The following CACNA2D3 variants were observed in gnomAD, a reference collection of about 807,000 sequenced individuals.
CACNA2D3 encodes the protein voltage-dependent calcium channel subunit alpha-2/delta-3.
In CACNA2D3, 60 loss-of-function variants were observed where a neutral mutation model predicts 160.6. The observed-to-expected ratio is 0.37, with a 90% CI of 0.30 to 0.46. The LOEUF (loss-of-function observed/expected upper bound fraction) is 0.46. Among genes scored for constraint, CACNA2D3 ranks in the 20% least tolerant of loss-of-function variants. The pLI is 1.00. For missense variants in CACNA2D3, 1,205 were observed against 1,365.0 expected (o/e 0.88, Z 1.85); for synonymous variants, 558 against 492.9 (o/e 1.13, Z -1.75).
chr3:54,736,131 G>GTA (rs779122781), intron 11 of CACNA2D3, among the ~76,000 whole-genome samples: 2,635 of 42,132 alleles, frequency 0.063, 548 homozygotes, highest in Non-Finnish European at 0.085. Context: ...ATATATATAT[G>GTA]TATATATATA....
intron 2 of CACNA2D3, among the ~76,000 whole-genome samples, chr3:54,289,614 G>A (rs966993023): frequency 1.2e-4 from 18 of 152,118 alleles, no homozygotes; most frequent in African/African-American, 3.4e-4. Context: ...ATCCTACGCC[G>A]AAAGAACAAA....
intron 5 of CACNA2D3, among the ~76,000 whole-genome samples, chr3:54,552,099 C>T (rs1211650373): frequency 6.6e-6 from 1 of 152,188 alleles, no homozygotes; most frequent in Non-Finnish European, 1.5e-5. Flanking sequence ...AATGTCCCCT[C>T]TACCAGCATA....
chr3:54,708,877 A>G (rs1271048982), intron 11 of CACNA2D3, among the ~76,000 whole-genome samples: 1 of 152,006 alleles, frequency 6.6e-6, no homozygotes, highest in Non-Finnish European at 1.5e-5. Context: ...CTGTAACCCT[A>G]TTGATTGAAA....
intron 13 of CACNA2D3, among the ~76,000 whole-genome samples, chr3:54,770,952 A>G (rs915743275): frequency 1.3e-5 from 2 of 152,218 alleles, no homozygotes; most frequent in Non-Finnish European, 2.9e-5. Context: ...ATAAAAAACT[A>G]GGGAGAAAAA....
intron 4 of CACNA2D3, among the ~76,000 whole-genome samples, chr3:54,443,522 G>A (rs1246720554): frequency 6.6e-6 from 1 of 152,192 alleles, no homozygotes; most frequent in African/African-American, 2.4e-5. Context: ...GGAAGAATTA[G>A]AGAGTTGGCA....
intron 11 of CACNA2D3, among the ~76,000 whole-genome samples, chr3:54,664,550 CATTTT>C (rs1161542747): frequency 6.6e-6 from 1 of 152,200 alleles, no homozygotes; most frequent in African/African-American, 2.4e-5. Flanking sequence ...GGAAATGTCA[CATTTT>C]ATTTTATAAG....
chr3:54,165,114 ATTTTT>A lies in CACNA2D3; in HGVS notation c.204+41536_204+41540del, dbSNP rs397961895. Among the ~76,000 whole-genome samples, 225 of 117,862 alleles carry A rather than the reference ATTTTT, an allele frequency of 1.9e-3. 1 individual carries two copies. The highest frequency in any genetic ancestry group is 6.1e-3 in the South Asian group (20 of 3,264). 77.3% of individuals were successfully genotyped at this position (117,862 alleles called of 152,430 possible). A position where few individuals can be genotyped will look rare whatever the true frequency, so the allele number is the denominator to read the frequency against. ...AGAATGCTTGACTTCTCTGAATCTCATTTTTTTTTTTTTTTTTTTTGTCAAACAAG... is the reference window on the plus strand; with the variant it reads ...AGAATGCTTGACTTCTCTGAATCTCATTTTTTTTTTTTTTTGTCAAACAAG... On this transcript the variant is annotated intron_variant, in intron 2 of 37. Transcript: ENST00000474759.
At chr3:54,289,670 A>G (rs1437036658) in intron 2 of CACNA2D3, among the ~76,000 whole-genome samples, 1 of 152,276 alleles carries the variant, frequency 6.6e-6, no homozygotes, top group Non-Finnish European at 1.5e-5. Flanking sequence ...CAACAAGGCT[A>G]CAGTAACCAA....
intron 31 of CACNA2D3, among the ~76,000 whole-genome samples, chr3:55,000,278 A>G (rs781117076): frequency 1.8e-4 from 28 of 152,222 alleles, no homozygotes; most frequent in Non-Finnish European, 3.4e-4. Flanking sequence ...AAAAAGGGTA[A>G]TAATCTGGAA....
chr3:54,686,557 T>A (rs994607934), intron 11 of CACNA2D3, among the ~76,000 whole-genome samples: 2 of 152,346 alleles, frequency 1.3e-5, no homozygotes, highest in East Asian at 1.9e-4. Context: ...TACTCTATAA[T>A]TTAGGCTTAG....
intron 27 of CACNA2D3, among the ~76,000 whole-genome samples, chr3:54,936,326 A>G (rs6762013): frequency 0.16 from 25,046 of 152,122 alleles, 2,613 homozygotes; most frequent in African/African-American, 0.3. Flanking sequence ...CTGCCCGTGG[A>G]CAGAGCTCCC....
Position 54,424,447 on chromosome 3 carries a change from A to G in CACNA2D3, c.381+37673A>G, listed in dbSNP as rs1241326037. Among the ~76,000 whole-genome samples, 4 of 152,254 alleles carry G rather than the reference A, an allele frequency of 2.6e-5. No individual in the cohort carries two copies. In the East Asian group the frequency reaches 7.7e-4, roughly 29 times the overall value. On this transcript the variant is annotated intron_variant, in intron 4 of 37. Coordinates refer to ENST00000474759, the MANE Select transcript of CACNA2D3 (RefSeq NM_018398.3). The stretch of plus-strand genomic sequence containing the variant: ...TGTTGGTGTTTTTGCCCTGAGGACA[A>G]TAACCACTCCCTCCTTTTGTGCCTG...
At chr3:54,490,776 C>G (rs1476721086) in intron 4 of CACNA2D3, among the ~76,000 whole-genome samples, 1 of 152,148 alleles carries the variant, frequency 6.6e-6, no homozygotes, top group African/African-American at 2.4e-5. Flanking sequence ...CCGCCAGTTT[C>G]CCCCATGGGG....
intron 2 of CACNA2D3, among the ~76,000 whole-genome samples, chr3:54,204,737 A>C (rs569549956): frequency 8.1e-4 from 114 of 140,690 alleles, no homozygotes; most frequent in Non-Finnish European, 1.4e-3. Context: ...TGGAGGTTGC[A>C]GTGAGCCAAG....
chr3:54,225,989 A>G (rs996314172), intron 2 of CACNA2D3, among the ~76,000 whole-genome samples: 1 of 152,160 alleles, frequency 6.6e-6, no homozygotes, highest in Non-Finnish European at 1.5e-5. Flanking sequence ...CCTGGGTGTC[A>G]GTCTTTGTAT....
At chr3:54,666,984 G>A (rs1033660600) in intron 11 of CACNA2D3, among the ~76,000 whole-genome samples, 6 of 152,114 alleles carry the variant, frequency 3.9e-5, no homozygotes, top group African/African-American at 7.2e-5. Flanking sequence ...TGGCTCTAGC[G>A]GTCGATTTTC....
chr3:54,924,435 G>C (rs1190263034), intron 27 of CACNA2D3, among the ~76,000 whole-genome samples: 1 of 152,162 alleles, frequency 6.6e-6, no homozygotes, highest in East Asian at 1.9e-4. Context: ...TTTCGAACCT[G>C]AATTTAAACA....
At chr3:54,830,756 C>T (rs1052623902) in intron 14 of CACNA2D3, among the ~76,000 whole-genome samples, 1 of 152,244 alleles carries the variant, frequency 6.6e-6, no homozygotes, top group African/African-American at 2.4e-5. Context: ...GGATTACAGG[C>T]GTGAGTCACC....
chr3:54,338,682 C>A (rs1704450357), intron 3 of CACNA2D3, among the ~76,000 whole-genome samples: 1 of 152,084 alleles, frequency 6.6e-6, no homozygotes, highest in South Asian at 2.1e-4. Context: ...GTCTGTGGGA[C>A]CTCCTGGATC....
Sources: allele counts gnomAD v4.1 joint callset (sites outside exome capture counted in the v4.1 genomes callset), GRCh38; gene constraint gnomAD v4.1.1; transcripts MANE v1.5; gene names NCBI Gene and HGNC (gene_info 2026-07-23, HGNC 2026-07-21).